PSMD6: variants seen among roughly 807,000 people sequenced by gnomAD.
PSMD6 encodes 26S proteasome non-ATPase regulatory subunit 6.
Under a neutral mutation model 44.9 loss-of-function variants are expected in PSMD6, and 7 were observed. The observed-to-expected ratio is 0.16, with a 90% confidence interval of 0.09 to 0.29. The LOEUF (loss-of-function observed/expected upper bound fraction) is 0.29, where lower values mean the gene tolerates loss of function less well. PSMD6 is among the 10% of genes least tolerant of loss of function. The probability of loss-of-function intolerance (pLI) is 1.00; values close to 1 mark genes in which losing one functional copy is unlikely to be tolerated. For synonymous variants in PSMD6, 184 were observed against 172.7 expected (o/e 1.07, Z -0.51); for missense variants, 420 against 482.6 (o/e 0.87, Z 1.21).
rs17069700 is a variant in PSMD6, at chr3:64,022,828, C to T, written c.146-305G>A. On this transcript the variant is annotated intron_variant, in intron 1 of 7. Coordinates refer to ENST00000295901, the MANE Select transcript of PSMD6 (RefSeq NM_014814.3). ...TTCAAACAGGGAAAGACTTTTTATA[C>T]ACACATACTCACATACATATGTTCA... is the stretch of plus-strand genomic sequence containing the variant. 9,465 of 1,535,088 alleles carry T rather than the reference C, an allele frequency of 6.2e-3. 549 individuals carry two copies. In the African/African-American group the frequency reaches 0.11, roughly 19 times the overall value.
intron 2 of PSMD6, among the ~76,000 whole-genome samples, chr3:64,021,606 C>T (rs1022801015): frequency 2.6e-5 from 4 of 152,050 alleles, no homozygotes; most frequent in African/African-American, 9.7e-5. Flanking sequence ...GTCAGGAGTT[C>T]GAGACTAGCC....
At chr3:64,020,216 T>C (rs1399477302) in intron 2 of PSMD6, among the ~76,000 whole-genome samples, 1 of 152,106 alleles carries the variant, frequency 6.6e-6, no homozygotes, top group Non-Finnish European at 1.5e-5. Context: ...GCTAACAAAT[T>C]TGCAACAAAC....
intron 2 of PSMD6, among the ~76,000 whole-genome samples, chr3:64,021,202 A>G (rs2076124505): frequency 6.6e-6 from 1 of 152,228 alleles, no homozygotes; most frequent in African/African-American, 2.4e-5. Context: ...CTAAAGCAAA[A>G]ACAGATGAAA....
In PSMD6 at chr3:64,019,449, G is replaced by C. The variant is rs773324478; in HGVS notation, c.352-8C>G. On this transcript the variant is annotated splice_region_variant and splice_polypyrimidine_tract_variant and intron_variant, in intron 2 of 7. Transcript: ENST00000295901. ...GGCTGTCAGAGCTCCCTCCTGTCAA[G>C]AAAGCCAAGGCAATAGGTGAGAAAA... is the stretch of plus-strand genomic sequence containing the variant. 4 of 1,607,986 alleles carry C rather than the reference G, an allele frequency of 2.5e-6. No homozygotes were observed. Among genetic ancestry groups the C allele is most frequent in the Non-Finnish European group, 3.4e-6 (4 of 1,178,178 alleles).
intron 1 of PSMD6, chr3:64,022,812 G>A (rs1253610529): frequency 3.3e-6 from 5 of 1,535,854 alleles, no homozygotes; most frequent in Admixed American, 2.0e-5. Context: ...CTTCAAACAG[G>A]GAAAGACTTT....
intron 6 of PSMD6, chr3:64,012,453 T>A (rs1032509063): frequency 1.3e-5 from 2 of 152,314 alleles, no homozygotes; most frequent in Non-Finnish European, 2.9e-5. Flanking sequence ...CAACTGGTCC[T>A]CTCTGCCACC....
chr3:64,021,584 G>A (rs1053114156), intron 2 of PSMD6, among the ~76,000 whole-genome samples: 2 of 152,274 alleles, frequency 1.3e-5, no homozygotes, highest in Middle Eastern at 3.4e-3. Flanking sequence ...CGAGACAGGT[G>A]GATCACCTGA....
chr3:64,020,619 G>C (rs1576036702), intron 2 of PSMD6, among the ~76,000 whole-genome samples: 2 of 152,242 alleles, frequency 1.3e-5, no homozygotes, highest in Admixed American at 1.3e-4. Flanking sequence ...CACGTCTTAA[G>C]TTTACAACCA....
intron 3 of PSMD6, 81 bp from the exon 4 acceptor site, chr3:64,019,118 G>A: frequency 6.9e-7 from 1 of 1,439,672 alleles, no homozygotes. Context: ...TTTGAAATGA[G>A]AAAACAACTT....
At chr3:64,023,132 C>T (rs2076159877) in intron 1 of PSMD6, 143 bp downstream of exon 1, 3 of 1,424,256 alleles carry the variant, frequency 2.1e-6, no homozygotes, top group African/African-American at 1.5e-5. Flanking sequence ...AAAGCAAAAC[C>T]CTAAGGGCCG....
chr3:64,019,514 T>C, intron 2 of PSMD6, 73 bp from the exon 3 acceptor site: 2 of 1,499,766 alleles, frequency 1.3e-6, no homozygotes, highest in African/African-American at 1.4e-5. Context: ...CTGTCTGGGA[T>C]TTTCTTCAAA....
chr3:64,022,791 G>A, intron 1 of PSMD6: 1 of 1,536,218 alleles, frequency 6.5e-7, no homozygotes, highest in African/African-American at 1.4e-5. Flanking sequence ...GCCGGATTCT[G>A]TTCCAAAAGT....
At chr3:64,022,181 A>C (rs1204044417) in intron 2 of PSMD6, 137 bp downstream of exon 2, 6 of 933,192 alleles carry the variant, frequency 6.4e-6, no homozygotes, top group Non-Finnish European at 9.5e-6. Flanking sequence ...ACATTGATTC[A>C]CCAGTACAAG....
In PSMD6 at chr3:64,011,013, CAAA is replaced by C. The variant is rs754868776; in HGVS notation, c.996-61_996-59del. 4,742 of 1,368,642 alleles carry C rather than the reference CAAA, an allele frequency of 3.5e-3. 13 individuals are homozygous for C. The highest frequency in any genetic ancestry group is 4.1e-3 in the Non-Finnish European group (4,060 of 990,368). 84.8% of individuals were successfully genotyped at this position (1,368,642 alleles called of 1,614,324 possible). ...TTTATAGAAAATTCTTAGAAAAATG[CAAA>C]CGGCATTAAAATACTGTCTTAAATT... On this transcript the variant is annotated intron_variant, in intron 6 of 7. Coordinates refer to ENST00000295901, the MANE Select transcript of PSMD6 (RefSeq NM_014814.3).
In PSMD6 at chr3:64,010,772, T is replaced by C. The variant is rs748550060; in HGVS notation, c.1074-8A>G. 1.3e-6 allele frequency: 2 copies of C among 1,595,138 alleles called. No individual in the cohort carries two copies. Among genetic ancestry groups the C allele is most frequent in the South Asian group, 2.2e-5 (2 of 89,482 alleles). On this transcript the variant is annotated splice_region_variant and splice_polypyrimidine_tract_variant and intron_variant, in intron 7 of 7. Coordinates refer to ENST00000295901, the MANE Select transcript of PSMD6 (RefSeq NM_014814.3). ...CAGTTCTTGCTATCAGGTCTATAAA[T>C]AAATTCAAGAAAAAATGAATTATTT... is the stretch of plus-strand genomic sequence containing the variant.
intron 2 of PSMD6, chr3:64,019,746 T>G: frequency 3.9e-6 from 1 of 255,180 alleles, no homozygotes. Context: ...GTTCTATATA[T>G]TCAATGTTTT....
At chr3:64,021,654 C>CA (rs1369515171) in intron 2 of PSMD6, among the ~76,000 whole-genome samples, 2 of 151,852 alleles carry the variant, frequency 1.3e-5, no homozygotes, top group Admixed American at 6.6e-5. Context: ...ACTAATAATA[C>CA]AAAAAAATTA....
intron 1 of PSMD6, 75 bp from the exon 2 acceptor site, chr3:64,022,598 C>A: frequency 6.5e-7 from 1 of 1,547,736 alleles, no homozygotes; most frequent in Non-Finnish European, 8.7e-7. Context: ...CGTATTTCAC[C>A]CCCCGCCCCG....
In PSMD6 at chr3:64,010,562, C is replaced by CAATGCAGTATTTATTTTA; in HGVS notation, c.*88_*105dup. On this transcript the variant is annotated 3_prime_UTR_variant, in exon 8 of 8. Coordinates refer to ENST00000295901, the MANE Select transcript of PSMD6 (RefSeq NM_014814.3). ...GAAAAAAATAAATGGAAAGAAACAA[C>CAATGCAGTATTTATTTTA]AATGCAGTATTTATTTTATACAGCT... is the stretch of plus-strand genomic sequence containing the variant. 1.3e-6 allele frequency: 1 copy of CAATGCAGTATTTATTTTA among 747,756 alleles called. No homozygotes were observed. Among genetic ancestry groups the CAATGCAGTATTTATTTTA allele is most frequent in the East Asian group, 2.9e-5 (1 of 34,748 alleles). The allele number at this position is 747,756 out of a possible 1,614,324, so 46.3% of individuals were successfully genotyped here. A position where few individuals can be genotyped will look rare whatever the true frequency, so the allele number is the denominator to read the frequency against.
Sources: gnomAD v4.1 joint callset for allele counts (sites outside exome capture counted in the v4.1 genomes callset) on GRCh38, gnomAD v4.1.1 for gene constraint, MANE v1.5 for transcripts, NCBI Gene and HGNC (gene_info 2026-07-23, HGNC 2026-07-21) for gene names.